SAMD12: variants seen among roughly 807,000 people sequenced by gnomAD.
SAMD12 encodes the protein sterile alpha motif domain containing 12, also known as sterile alpha motif domain-containing protein 12.
In SAMD12, 9 loss-of-function variants were observed where a neutral mutation model predicts 15.0. That is an observed-to-expected ratio of 0.60 (90% CI 0.36 to 1.05). The LOEUF (loss-of-function observed/expected upper bound fraction) is 1.05. Ranked by LOEUF, SAMD12 falls within the 50% of genes least tolerant of loss-of-function variation. The probability of loss-of-function intolerance (pLI) is 0.01; values close to 1 mark genes in which losing one functional copy is unlikely to be tolerated. For synonymous variants in SAMD12, 86 were observed against 90.1 expected (o/e 0.96, Z 0.25); for missense variants, 230 against 234.2 (o/e 0.98, Z 0.12).
At chr8:118,346,996 C>T (rs1338180882) in intron 4 of SAMD12, among the ~76,000 whole-genome samples, 20 of 152,304 alleles carry the variant, frequency 1.3e-4, no homozygotes, top group South Asian at 8.3e-4. Context: ...CCCGAATTCC[C>T]GGACTCATGG....
intron 4 of SAMD12, among the ~76,000 whole-genome samples, chr8:118,334,770 A>AT (rs1166495119): frequency 6.6e-6 from 1 of 151,828 alleles, no homozygotes; most frequent in Non-Finnish European, 1.5e-5. Flanking sequence ...TAATTTTTGT[A>AT]TTTTTTAGCA....
At chr8:118,348,464 G>A (rs995920912) in intron 4 of SAMD12, among the ~76,000 whole-genome samples, 1 of 151,374 alleles carries the variant, frequency 6.6e-6, no homozygotes, top group Non-Finnish European at 1.5e-5. Flanking sequence ...TCCGCCCCCC[G>A]GGGTTCGTGC....
intron 2 of SAMD12, among the ~76,000 whole-genome samples, chr8:118,519,040 G>T (rs1825320712): frequency 6.6e-6 from 1 of 152,200 alleles, no homozygotes; most frequent in Non-Finnish European, 1.5e-5. Flanking sequence ...AGTATCAGCA[G>T]CAGGAGGGAA....
the SAMD12 span, among the ~76,000 whole-genome samples, chr8:118,178,773 T>G: frequency 1.3e-5 from 2 of 152,208 alleles, no homozygotes; most frequent in Non-Finnish European, 2.9e-5. Context: ...GCCACACATT[T>G]CTTATATTGA....
rs565628985 is a variant in SAMD12 at position 118,569,557 on chromosome 8, T to C, written c.192+11158A>G. 1.3e-4 allele frequency among the ~76,000 whole-genome samples: 20 copies of C among 152,222 alleles called. No individual in the cohort carries two copies. In the South Asian group the frequency reaches 3.9e-3, roughly 30 times the overall value. ...TGAAGCCCTAACCCCCAATAAGGTG[T>C]TGTTTGAAAGTAGGGCCTTTGAGAG... On this transcript the variant is annotated intron_variant, in intron 2 of 3. Coordinates refer to ENST00000314727, the MANE Select transcript of SAMD12 (RefSeq NM_207506.3).
intron 1 of SAMD12, among the ~76,000 whole-genome samples, chr8:118,583,812 G>C (rs1827356458): frequency 6.6e-6 from 1 of 152,050 alleles, no homozygotes; most frequent in Admixed American, 6.5e-5. Context: ...ACAGTCCCCT[G>C]GTGCTTCATT....
At chr8:118,257,776 T>C (rs1812985193) in intron 4 of SAMD12, among the ~76,000 whole-genome samples, 1 of 152,068 alleles carries the variant, frequency 6.6e-6, no homozygotes, top group South Asian at 2.1e-4. Context: ...CTGTCACCAA[T>C]AGGGACTGTC....
At chr8:118,243,117 A>G (rs1194515065) in intron 4 of SAMD12, among the ~76,000 whole-genome samples, 1 of 152,196 alleles carries the variant, frequency 6.6e-6, no homozygotes, top group Non-Finnish European at 1.5e-5. Context: ...CTAGGCATCA[A>G]ATAGAACCTT....
intron 2 of SAMD12, among the ~76,000 whole-genome samples, chr8:118,486,255 A>C (rs1223550817): frequency 1.3e-5 from 2 of 152,120 alleles, no homozygotes; most frequent in African/African-American, 2.4e-5. Flanking sequence ...TCTACTAAAA[A>C]ATACAAAAAA....
chr8:118,437,107 C>A (rs1822599211), intron 3 of SAMD12, among the ~76,000 whole-genome samples: 1 of 152,206 alleles, frequency 6.6e-6, no homozygotes, highest in Non-Finnish European at 1.5e-5. Flanking sequence ...TTGCCCTGTT[C>A]ATCACAGCCT....
downstream of SAMD12, among the ~76,000 whole-genome samples, chr8:118,377,473 T>C (rs1242004178): frequency 6.6e-6 from 1 of 151,698 alleles, no homozygotes; most frequent in Non-Finnish European, 1.5e-5. Flanking sequence ...ACAGACAAAA[T>C]ACCCAAGAGC....
At chr8:118,247,445 T>C (rs1408855662) in intron 4 of SAMD12, among the ~76,000 whole-genome samples, 1 of 152,126 alleles carries the variant, frequency 6.6e-6, no homozygotes, top group Non-Finnish European at 1.5e-5. Flanking sequence ...AAATGATAAG[T>C]ATGTGAAGTG....
intron 2 of SAMD12, among the ~76,000 whole-genome samples, chr8:118,534,068 C>G (rs932589377): frequency 1.4e-4 from 22 of 152,284 alleles, no homozygotes; most frequent in African/African-American, 5.3e-4. Context: ...CATGTTTTTG[C>G]AGTGGCTGGT....
chr8:118,147,075 A>G, the SAMD12 span, among the ~76,000 whole-genome samples: 1 of 151,670 alleles, frequency 6.6e-6, no homozygotes, highest in Non-Finnish European at 1.5e-5. Flanking sequence ...CCCAGGCTGG[A>G]GTGCAGTGGC....
chr8:118,585,062 A>G (rs1563597884), intron 1 of SAMD12, among the ~76,000 whole-genome samples: 1 of 152,318 alleles, frequency 6.6e-6, no homozygotes, highest in East Asian at 1.9e-4. Context: ...ATGCCTGTGG[A>G]TGCATGAATG....
At chr8:118,364,371 T>C (rs1421272274) in intron 4 of SAMD12, among the ~76,000 whole-genome samples, 1 of 152,188 alleles carries the variant, frequency 6.6e-6, no homozygotes, top group Non-Finnish European at 1.5e-5. Flanking sequence ...CCTGCAAGTT[T>C]AGGTGATAGT....
At chr8:118,341,142 C>T (rs772594265) in intron 4 of SAMD12, among the ~76,000 whole-genome samples, 1 of 152,138 alleles carries the variant, frequency 6.6e-6, no homozygotes, top group Non-Finnish European at 1.5e-5. Flanking sequence ...TGTCTTTCTC[C>T]ACATGGTGTT....
intron 4 of SAMD12, among the ~76,000 whole-genome samples, chr8:118,346,952 A>G (rs1817693809): frequency 1.3e-5 from 2 of 152,172 alleles, no homozygotes; most frequent in South Asian, 2.1e-4. Context: ...TGCTCAGGCT[A>G]GAGTACAGTG....
intron 2 of SAMD12, among the ~76,000 whole-genome samples, chr8:118,530,275 C>CT (rs1474637212): frequency 6.6e-6 from 1 of 152,142 alleles, no homozygotes; most frequent in Non-Finnish European, 1.5e-5. Flanking sequence ...CATGAGTAGA[C>CT]TGTGTGTCAC....
Sources: allele counts gnomAD v4.1 joint callset (sites outside exome capture counted in the v4.1 genomes callset), GRCh38; gene constraint gnomAD v4.1.1; transcripts MANE v1.5; gene names NCBI Gene and HGNC (gene_info 2026-07-23, HGNC 2026-07-21).